TMEM233: variants seen among roughly 807,000 people sequenced by gnomAD.
TMEM233 encodes dispanin subfamily B member 2.
Under a neutral mutation model 11.2 loss-of-function variants are expected in TMEM233, and 6 were observed. That is an observed-to-expected ratio of 0.54 (90% CI 0.29 to 1.06). TMEM233 has a LOEUF of 1.06. Among genes scored for constraint, TMEM233 ranks in the 50% least tolerant of loss-of-function variants. The pLI is 0.08. For missense variants in TMEM233, 127 were observed against 144.7 expected (o/e 0.88, Z 0.63); for synonymous variants, 59 against 55.8 (o/e 1.06, Z -0.26).
At chr12:119,639,620 T>A (rs539562879) in intron 2 of TMEM233, among the ~76,000 whole-genome samples, 5 of 150,376 alleles carry the variant, frequency 3.3e-5, no homozygotes, top group Non-Finnish European at 4.4e-5. Context: ...AGACTCCATC[T>A]CAAAAAAAAA....
At chr12:119,596,923 G>T (rs1364564168) in intron 1 of TMEM233, among the ~76,000 whole-genome samples, 1 of 152,218 alleles carries the variant, frequency 6.6e-6, no homozygotes. Context: ...CACTATGCTA[G>T]GTACATGCAA....
At chr12:119,602,593 C>T (rs1347023046) in intron 1 of TMEM233, among the ~76,000 whole-genome samples, 1 of 152,168 alleles carries the variant, frequency 6.6e-6, no homozygotes, top group East Asian at 1.9e-4. Context: ...CACATTTCCC[C>T]AGCAGCCCTG....
intron 1 of TMEM233, among the ~76,000 whole-genome samples, chr12:119,623,477 G>C (rs1331193217): frequency 6.6e-6 from 1 of 151,756 alleles, no homozygotes; most frequent in Non-Finnish European, 1.5e-5. Flanking sequence ...GGAGGCTGAG[G>C]CAGGTGGACT....
intron 1 of TMEM233, among the ~76,000 whole-genome samples, chr12:119,602,504 C>T (rs1954188113): frequency 6.6e-6 from 1 of 152,148 alleles, no homozygotes; most frequent in Non-Finnish European, 1.5e-5. Context: ...TCAGATGGTT[C>T]CAGATGATGA....
At position 119,641,877 on chromosome 12, in the gene TMEM233, G is replaced by A. The variant is rs971514728; in HGVS notation, c.*1172G>A. 2 of 152,098 alleles carry A rather than the reference G, an allele frequency of 1.3e-5. No individual in the cohort carries two copies. The highest frequency in any genetic ancestry group is 4.8e-5 in the African/African-American group (2 of 41,436). The allele number at this position is 152,098 out of a possible 1,614,324, so 9.4% of individuals were successfully genotyped here. A position where few individuals can be genotyped will look rare whatever the true frequency, so the allele number is the denominator to read the frequency against. On this transcript the variant is annotated 3_prime_UTR_variant, in exon 3 of 3. Transcript: ENST00000426426. ...TCCTTTACACCTTTCAGACACTATG[G>A]CTCTTTTCCCTTTTTAGCAAAGAAA...
At chr12:119,602,782 T>G (rs1307596618) in intron 1 of TMEM233, among the ~76,000 whole-genome samples, 1 of 152,212 alleles carries the variant, frequency 6.6e-6, no homozygotes, top group African/African-American at 2.4e-5. Context: ...TAAGAGCCAT[T>G]TAAATTTACT....
At chr12:119,611,911 G>A (rs996497117) in intron 1 of TMEM233, among the ~76,000 whole-genome samples, 3 of 151,972 alleles carry the variant, frequency 2.0e-5, no homozygotes, top group Non-Finnish European at 4.4e-5. Context: ...CTCTCTTTCA[G>A]TTTTCAAAAT....
intron 2 of TMEM233, 61 bp downstream of exon 2, chr12:119,629,933 A>G: frequency 6.6e-7 from 1 of 1,510,614 alleles, no homozygotes; most frequent in Non-Finnish European, 8.9e-7. Flanking sequence ...GCCCGTTGGA[A>G]TCTGTTAGGG....
chr12:119,644,065 A>AG (rs1432198772), downstream of TMEM233, among the ~76,000 whole-genome samples: 2 of 152,168 alleles, frequency 1.3e-5, no homozygotes, highest in Non-Finnish European at 2.9e-5. Flanking sequence ...TAATAGCTCC[A>AG]GGGGGGAAAA....
chr12:119,647,781 AC>A (rs370583902), downstream of TMEM233, among the ~76,000 whole-genome samples: 3 of 86,712 alleles, frequency 3.5e-5, no homozygotes, highest in Non-Finnish European at 2.5e-5. Context: ...TTTGCCCCCC[AC>A]CCCCCCGACA....
At chr12:119,645,263 A>T (rs955403618), downstream of TMEM233, among the ~76,000 whole-genome samples, 6 of 142,006 alleles carry the variant, frequency 4.2e-5, no homozygotes, top group African/African-American at 1.6e-4. Flanking sequence ...ATATCTTGAT[A>T]CGTAACCCTA....
intron 1 of TMEM233, among the ~76,000 whole-genome samples, chr12:119,606,045 GTA>G (rs1314513125): frequency 2.0e-5 from 3 of 152,210 alleles, no homozygotes; most frequent in African/African-American, 7.2e-5. Context: ...ACTTTTAGGT[GTA>G]GAAACAGGAG....
chr12:119,614,664 A>G (rs7978755), intron 1 of TMEM233, among the ~76,000 whole-genome samples: 60,872 of 151,970 alleles, frequency 0.4, 13,887 homozygotes, highest in African/African-American at 0.61. Flanking sequence ...TTTTGGTTAC[A>G]TTTGTAGTCC....
chr12:119,621,881 A>G (rs1254946280), intron 1 of TMEM233, among the ~76,000 whole-genome samples: 2 of 152,258 alleles, frequency 1.3e-5, no homozygotes, highest in African/African-American at 4.8e-5. Context: ...CAAGTATTTA[A>G]AAGAAAACAG....
chr12:119,625,295 A>T (rs575504141), intron 1 of TMEM233, among the ~76,000 whole-genome samples: 1 of 152,322 alleles, frequency 6.6e-6, no homozygotes, highest in South Asian at 2.1e-4. Flanking sequence ...TGATTTCAGA[A>T]TCAAGGAAGA....
chr12:119,599,553 C>T (rs188771222), intron 1 of TMEM233, among the ~76,000 whole-genome samples: 20 of 152,248 alleles, frequency 1.3e-4, no homozygotes, highest in Non-Finnish European at 1.0e-4. Flanking sequence ...GCTGGCTGGG[C>T]ATCAACTAAT....
chr12:119,639,148 C>G (rs1445952983), intron 2 of TMEM233, among the ~76,000 whole-genome samples: 1 of 152,130 alleles, frequency 6.6e-6, no homozygotes, highest in African/African-American at 2.4e-5. Flanking sequence ...CCTTCTGGTA[C>G]TTGTTCATAT....
At chr12:119,647,924 G>A (rs1466790594), downstream of TMEM233, among the ~76,000 whole-genome samples, 1 of 152,032 alleles carries the variant, frequency 6.6e-6, no homozygotes, top group Non-Finnish European at 1.5e-5. Context: ...TACATGATCA[G>A]ACCCTTGGCT....
At chr12:119,634,941 T>C (rs747635955) in intron 2 of TMEM233, among the ~76,000 whole-genome samples, 1 of 152,216 alleles carries the variant, frequency 6.6e-6, no homozygotes, top group Non-Finnish European at 1.5e-5. Flanking sequence ...CTGGGAATTA[T>C]TCAACTGAAA....
Sources: allele counts gnomAD v4.1 joint callset (sites outside exome capture counted in the v4.1 genomes callset), GRCh38; gene constraint gnomAD v4.1.1; transcripts MANE v1.5; gene names NCBI Gene and HGNC (gene_info 2026-07-23, HGNC 2026-07-21).